Variants in TOM1 observed in about 807,000 individuals in gnomAD.
TOM1 encodes the protein target of Myb protein 1.
TOM1 carries 38 observed loss-of-function variants against 61.3 expected under a neutral mutation model. The ratio of observed to expected loss-of-function variants is 0.62; its 90% CI spans 0.48 to 0.81. TOM1 has a LOEUF of 0.81. Among genes scored for constraint, TOM1 ranks in the 40% least tolerant of loss-of-function variants. TOM1 has a pLI of 0.00. For synonymous variants in TOM1, 270 were observed against 268.8 expected (o/e 1.00, Z -0.04); for missense variants, 591 against 659.6 (o/e 0.90, Z 1.14).
intron 8 of TOM1, chr22:35,331,392 A>C: frequency 2.2e-6 from 1 of 447,970 alleles, no homozygotes; most frequent in East Asian, 7.1e-5. Flanking sequence ...TATTACAGGC[A>C]TGAGCCACCA....
At chr22:35,304,729 C>T (rs1460913068) in intron 1 of TOM1, among the ~76,000 whole-genome samples, 1 of 152,226 alleles carries the variant, frequency 6.6e-6, no homozygotes, top group African/African-American at 2.4e-5. Flanking sequence ...CCACCCACCT[C>T]GGCCTCCCAA....
intron 6 of TOM1, among the ~76,000 whole-genome samples, chr22:35,325,265 G>A (rs746013745): frequency 9.9e-5 from 15 of 152,154 alleles, no homozygotes; most frequent in African/African-American, 1.9e-4. Flanking sequence ...CCCAATAAGC[G>A]TCCCCACTGC....
intron 1 of TOM1, among the ~76,000 whole-genome samples, chr22:35,313,982 GT>G (rs1366416071): frequency 6.6e-6 from 1 of 152,216 alleles, no homozygotes; most frequent in African/African-American, 2.4e-5. Flanking sequence ...CACTGTCCGT[GT>G]TTTTATTCCC....
chr22:35,307,974 G>A (rs1029208417), intron 1 of TOM1, among the ~76,000 whole-genome samples: 2 of 152,198 alleles, frequency 1.3e-5, no homozygotes, highest in African/African-American at 2.4e-5. Context: ...CCAGACCCGC[G>A]TAAAGCGTAT....
chr22:35,300,250 C>A (rs2145591143), intron 1 of TOM1, among the ~76,000 whole-genome samples: 1 of 152,386 alleles, frequency 6.6e-6, no homozygotes, highest in Non-Finnish European at 1.5e-5. Flanking sequence ...AGCCAATGTG[C>A]GTCTGCTGGG....
At chr22:35,321,679 A>G in intron 2 of TOM1, 5 of 518,438 alleles carry the variant, frequency 9.6e-6, no homozygotes, top group South Asian at 7.7e-5. Flanking sequence ...GATTACAGGC[A>G]TGAGCCACCG....
chr22:35,304,619 C>G (rs1488266049), intron 1 of TOM1, among the ~76,000 whole-genome samples: 1 of 152,170 alleles, frequency 6.6e-6, no homozygotes, highest in Non-Finnish European at 1.5e-5. Context: ...GCTGGGACTA[C>G]AGGCACCCGC....
chr22:35,323,471 G>C lies in TOM1; in HGVS notation c.367-25G>C. On this transcript the variant is annotated intron_variant, in intron 4 of 14. Coordinates refer to ENST00000449058, the MANE Select transcript of TOM1 (RefSeq NM_005488.3). This position sits in a 1 kb window ranked among gnomAD's most constrained non-coding sequence, Gnocchi z 4.2. The stretch of plus-strand genomic sequence containing the variant: ...GCTCACAGGTGAGCTGTGGTTACCG[G>C]CTGTGTCCCCTTGTCCCCTCTCAGT... 6.2e-7 allele frequency: 1 copy of C among 1,612,566 alleles called. No homozygotes were observed. Among genetic ancestry groups the C allele is most frequent in the Non-Finnish European group, 8.5e-7 (1 of 1,179,306 alleles).
chr22:35,323,705 C>T lies in TOM1; in HGVS notation c.502-63C>T, dbSNP rs1928060760. The stretch of plus-strand genomic sequence containing the variant: ...CCCCAGAGACATCACCAGGCTGGCC[C>T]CTGACTTCCTGGGCTCTTGATGTTC... On this transcript the variant is annotated intron_variant, in intron 5 of 14. Coordinates refer to ENST00000449058, the MANE Select transcript of TOM1 (RefSeq NM_005488.3). This position sits in a 1 kb window ranked among gnomAD's most constrained non-coding sequence, Gnocchi z 4.2. The T allele has an allele frequency of 6.2e-7, 1 of 1,606,510 alleles. No homozygotes were observed. Among genetic ancestry groups the T allele is most frequent in the East Asian group, 2.2e-5 (1 of 44,694 alleles).
chr22:35,343,607 C>CCA (rs1168352925), intron 12 of TOM1, among the ~76,000 whole-genome samples: 2 of 144,222 alleles, frequency 1.4e-5, no homozygotes, highest in African/African-American at 2.6e-5. Context: ...CCTACACACA[C>CCA]CACACACACA....
intron 1 of TOM1, among the ~76,000 whole-genome samples, chr22:35,305,984 C>G (rs1926300907): frequency 6.6e-6 from 1 of 152,190 alleles, no homozygotes. Context: ...CAGATGGTCT[C>G]TGCTGCAACT....
chr22:35,302,714 A>G (rs1378160660), intron 1 of TOM1, among the ~76,000 whole-genome samples: 1 of 152,176 alleles, frequency 6.6e-6, no homozygotes, highest in African/African-American at 2.4e-5. Context: ...GCGGAGACTA[A>G]GGTCCAGAGA....
At chr22:35,310,134 C>T (rs1310455448) in intron 1 of TOM1, among the ~76,000 whole-genome samples, 1 of 152,218 alleles carries the variant, frequency 6.6e-6, no homozygotes, top group African/African-American at 2.4e-5. Context: ...AGATGGACAG[C>T]ATGGCTGGCC....
intron 1 of TOM1, among the ~76,000 whole-genome samples, chr22:35,307,547 C>T (rs1425189254): frequency 6.6e-6 from 1 of 152,198 alleles, no homozygotes; most frequent in Admixed American, 6.5e-5. Flanking sequence ...GGCTGTGTCC[C>T]CCAGGTCTCC....
intron 11 of TOM1, among the ~76,000 whole-genome samples, chr22:35,335,928 C>T (rs866466024): frequency 1.3e-5 from 2 of 151,986 alleles, no homozygotes; most frequent in East Asian, 1.9e-4. Context: ...AGAGGCAGGG[C>T]GGGAGAGAGG....
chr22:35,303,770 T>C (rs1349648438), intron 1 of TOM1, among the ~76,000 whole-genome samples: 1 of 152,166 alleles, frequency 6.6e-6, no homozygotes, highest in East Asian at 1.9e-4. Context: ...AGTGCTGGGA[T>C]TGCAGGTGTG....
At chr22:35,308,219 T>C (rs1401551412) in intron 1 of TOM1, among the ~76,000 whole-genome samples, 1 of 151,966 alleles carries the variant, frequency 6.6e-6, no homozygotes, top group Admixed American at 6.6e-5. Context: ...TTCTCCTGTG[T>C]GTGTGTGTGT....
chr22:35,323,417 T>C lies in TOM1; in HGVS notation c.367-79T>C. 6.5e-7 allele frequency: 1 copy of C among 1,529,614 alleles called. No homozygotes were observed. Among genetic ancestry groups the C allele is most frequent in the East Asian group, 2.3e-5 (1 of 44,302 alleles). 94.8% of individuals were successfully genotyped at this position (1,529,614 alleles called of 1,614,324 possible). On this transcript the variant is annotated intron_variant, in intron 4 of 14. Transcript: ENST00000449058. This position sits in a 1 kb window ranked among gnomAD's most constrained non-coding sequence, Gnocchi z 4.2. Reference sequence around the variant, plus strand: ...AAAAAAAAAGCAGGGAAAGAATGTCTGTTCTCTGTCTGAGTGCCAGGTGGG... The same window carrying C: ...AAAAAAAAAGCAGGGAAAGAATGTCCGTTCTCTGTCTGAGTGCCAGGTGGG...
intron 7 of TOM1, among the ~76,000 whole-genome samples, chr22:35,330,075 C>A (rs1409783915): frequency 6.6e-6 from 1 of 151,802 alleles, no homozygotes; most frequent in Non-Finnish European, 1.5e-5. Flanking sequence ...GTCAGGAGAT[C>A]GAGACCACCC....
Sources: allele counts gnomAD v4.1 joint callset (sites outside exome capture counted in the v4.1 genomes callset), GRCh38; gene constraint gnomAD v4.1.1; non-coding constraint Gnocchi (gnomAD v3.1); transcripts MANE v1.5; gene names NCBI Gene and HGNC (gene_info 2026-07-23, HGNC 2026-07-21).